Variants in MADD observed in about 807,000 individuals in gnomAD.
The protein encoded by MADD is MAP kinase activating death domain.
A neutral mutation model predicts 176.7 loss-of-function variants in MADD; 109 were observed. That is an observed-to-expected ratio of 0.62 (90% CI 0.53 to 0.72). The LOEUF is 0.72. Among genes scored for constraint, MADD ranks in the 30% least tolerant of loss-of-function variants. The probability of loss-of-function intolerance (pLI) is 0.00; values close to 1 mark genes in which losing one functional copy is unlikely to be tolerated. For synonymous variants in MADD, 771 were observed against 771.3 expected, an observed-to-expected ratio of 1.00 and a Z score of 0.01; for missense variants, 1,914 against 2,045.5, an observed-to-expected ratio of 0.94 and a Z score of 1.24.
At chr11:47,294,837 AC>A (rs1244657969) in intron 20 of MADD, among the ~76,000 whole-genome samples, 7 of 152,088 alleles carry the variant, frequency 4.6e-5, no homozygotes, top group African/African-American at 1.7e-4. Context: ...TAACAAAGCT[AC>A]CTATAGTGTG....
At chr11:47,323,430 T>C (rs559998775) in intron 27 of MADD, among the ~76,000 whole-genome samples, 2 of 151,948 alleles carry the variant, frequency 1.3e-5, no homozygotes, top group Non-Finnish European at 1.5e-5. Flanking sequence ...AAATAACTGA[T>C]TGATTTGTGC....
In MADD at chr11:47,306,512, A is replaced by T. The variant is rs569390364; in HGVS notation, c.3643-2079A>T. Among the ~76,000 whole-genome samples the T allele has an allele frequency of 2.0e-5, 3 of 152,310 alleles. No individual in the cohort carries two copies. In the South Asian group the frequency reaches 6.2e-4, roughly 32 times the overall value. ...CTGGGCTTAGTGCCTAGAGGACTGT[A>T]GGGAAGCCAGTGGTGAAGTCTGTAG... On this transcript the variant is annotated intron_variant, in intron 22 of 32. Coordinates refer to ENST00000402192, the Ensembl canonical transcript of MADD.
chr11:47,295,987 C>T (rs758408991), exon 22 of MADD: 2 of 1,614,092 alleles, frequency 1.2e-6, no homozygotes, highest in South Asian at 1.1e-5. Flanking sequence ...CAGTGTTCAC[C>T]TGGCAAGCTC....
chr11:47,284,953 T>C, exon 13 of MADD: 1 of 1,613,762 alleles, frequency 6.2e-7, no homozygotes, highest in Non-Finnish European at 8.5e-7. Flanking sequence ...ACCTGCTGAC[T>C]CTACGGAGAT....
At chr11:47,283,583 A>T (rs765754646) in intron 10 of MADD, among the ~76,000 whole-genome samples, 75 of 151,134 alleles carry the variant, frequency 5.0e-4, no homozygotes, top group Non-Finnish European at 8.7e-4. Context: ...GTATATATAT[A>T]TTTTTTGAGA....
chr11:47,311,142 T>C (rs565241015), intron 25 of MADD, among the ~76,000 whole-genome samples: 68 of 152,256 alleles, frequency 4.5e-4, no homozygotes, highest in African/African-American at 1.5e-3. Context: ...AGAGAATTGT[T>C]TGGAGAACGA....
At chr11:47,324,707 C>G (rs2095192334) in intron 30 of MADD, 130 bp downstream of exon 33, 1 of 741,860 alleles carries the variant, frequency 1.3e-6, no homozygotes. Context: ...ACTGGAGCAG[C>G]TGGACCCAGG....
chr11:47,319,117 AT>A (rs2093865212), intron 27 of MADD, among the ~76,000 whole-genome samples: 2 of 63,588 alleles, frequency 3.1e-5, no homozygotes, highest in Admixed American at 1.4e-4. Flanking sequence ...CAAGGAAAAT[AT>A]ATATATATAT....
intron 22 of MADD, among the ~76,000 whole-genome samples, chr11:47,300,686 C>CA (rs1485543447): frequency 6.6e-6 from 1 of 152,060 alleles, no homozygotes; most frequent in Non-Finnish European, 1.5e-5. Flanking sequence ...TTAGTAGAGA[C>CA]AGAGTTTCAC....
intron 25 of MADD, 96 bp from the exon 29 acceptor site, chr11:47,311,636 T>G (rs2089349027): frequency 1.3e-6 from 1 of 759,492 alleles, no homozygotes; most frequent in Non-Finnish European, 2.3e-6. Flanking sequence ...TCCACTTCTC[T>G]CAGATGGTGG....
chr11:47,324,575 C>A, exon 30 of MADD: 1 of 1,609,946 alleles, frequency 6.2e-7, no homozygotes, highest in East Asian at 2.2e-5. Flanking sequence ...CATGCACAAT[C>A]AGGTAGGTGC....
At chr11:47,284,041 T>C in intron 10 of MADD, 137 bp from the exon 11 acceptor site, 2 of 654,268 alleles carry the variant, frequency 3.1e-6, no homozygotes, top group Non-Finnish European at 5.4e-6. Flanking sequence ...TTGACTGTTT[T>C]TCTTGGCTTC....
At chr11:47,284,219 A>C in exon 11 of MADD, 1 of 1,613,408 alleles carries the variant, frequency 6.2e-7, no homozygotes, top group Non-Finnish European at 8.5e-7. Context: ...AGCTCTTCTT[A>C]CTCCTCCCTT....
intron 1 of MADD, among the ~76,000 whole-genome samples, chr11:47,273,339 CAT>C (rs1227050371): frequency 1.9e-4 from 2 of 10,668 alleles, no homozygotes; most frequent in African/African-American, 3.3e-4. Flanking sequence ...TATTTATCTA[CAT>C]TTTTTTTTTT....
chr11:47,301,028 CT>C (rs796793022), intron 22 of MADD, among the ~76,000 whole-genome samples: 241 of 111,494 alleles, frequency 2.2e-3, no homozygotes, highest in Admixed American at 6.1e-3. Flanking sequence ...CACTCTCTCT[CT>C]TTTTTTTTTT....
intron 1 of MADD, among the ~76,000 whole-genome samples, chr11:47,273,565 C>G (rs1751075395): frequency 6.6e-6 from 1 of 152,198 alleles, no homozygotes; most frequent in African/African-American, 2.4e-5. Flanking sequence ...GTCTCAAACT[C>G]CTGACCTCAG....
At chr11:47,309,363 G>C (rs1389458247) in exon 24 of MADD, 1 of 1,614,212 alleles carries the variant, frequency 6.2e-7, no homozygotes, top group Non-Finnish European at 8.5e-7. Flanking sequence ...AGAGAGAAGG[G>C]ATGGGTATGG....
intron 14 of MADD, among the ~76,000 whole-genome samples, 190 bp downstream of exon 14, chr11:47,285,780 A>AGTCATT (rs1469919720): frequency 9.8e-4 from 2 of 2,044 alleles, no homozygotes; most frequent in Non-Finnish European, 4.7e-3. Context: ...GGGACAGATT[A>AGTCATT]GTCATTATGC....
intron 12 of MADD, 36 bp from the exon 13 acceptor site, chr11:47,284,905 A>T: frequency 6.2e-7 from 1 of 1,609,994 alleles, no homozygotes; most frequent in South Asian, 1.1e-5. Context: ...ACCATTGGGC[A>T]CCAGGTAACC....
Sources: gnomAD v4.1 joint callset for allele counts (sites outside exome capture counted in the v4.1 genomes callset) on GRCh38, gnomAD v4.1.1 for gene constraint, MANE v1.5 for transcripts, NCBI Gene and HGNC (gene_info 2026-07-23, HGNC 2026-07-21) for gene names.